The following DLG2 variants were observed in gnomAD, a reference collection of about 807,000 sequenced individuals.
DLG2 encodes discs large MAGUK scaffold protein 2, also known as disks large homolog 2.
A neutral mutation model predicts 132.5 loss-of-function variants in DLG2; 45 were observed. That is an observed-to-expected ratio of 0.34 (90% confidence interval 0.27 to 0.44). DLG2 has a LOEUF of 0.44. Among genes scored for constraint, DLG2 ranks in the 20% least tolerant of loss-of-function variants. The pLI, the probability that DLG2 is intolerant of heterozygous loss-of-function variation, is 1.00. For synonymous variants in DLG2, 424 were observed against 419.6 expected (o/e 1.01, Z -0.13); for missense variants, 1,045 against 1,196.9 (o/e 0.87, Z 1.87).
chr11:83,898,357 T>G (rs1280896110), intron 15 of DLG2, among the ~76,000 whole-genome samples: 1 of 152,106 alleles, frequency 6.6e-6, no homozygotes, highest in Non-Finnish European at 1.5e-5. Flanking sequence ...ATGACTGATT[T>G]TCTCATGCTA....
At chr11:84,842,645 A>G (rs1184804204) in intron 6 of DLG2, among the ~76,000 whole-genome samples, 1 of 151,982 alleles carries the variant, frequency 6.6e-6, no homozygotes, top group East Asian at 1.9e-4. Context: ...TACCAGCTCA[A>G]GTGCCATTTC....
At chr11:84,473,144 T>A (rs953980494) in intron 7 of DLG2, among the ~76,000 whole-genome samples, 1 of 152,026 alleles carries the variant, frequency 6.6e-6, no homozygotes, top group African/African-American at 2.4e-5. Flanking sequence ...ACCAAAGCTT[T>A]AAATTTTCTT....
At chr11:84,859,317 G>A (rs2083243238) in intron 6 of DLG2, among the ~76,000 whole-genome samples, 1 of 139,038 alleles carries the variant, frequency 7.2e-6, no homozygotes, top group East Asian at 2.0e-4. Flanking sequence ...ACCTATATAT[G>A]TATATCTACA....
At chr11:83,706,230 AAC>A (rs1555345130) in intron 18 of DLG2, among the ~76,000 whole-genome samples, 4 of 151,714 alleles carry the variant, frequency 2.6e-5, no homozygotes, top group Non-Finnish European at 4.4e-5. Context: ...AAAAAAAAAA[AAC>A]ATTTTAAAAC....
At chr11:85,248,074 T>C (rs2076223698) in intron 4 of DLG2, among the ~76,000 whole-genome samples, 1 of 152,112 alleles carries the variant, frequency 6.6e-6, no homozygotes, top group Non-Finnish European at 1.5e-5. Context: ...GTAGACTGGT[T>C]GCATACTCAT....
At chr11:85,304,557 G>C (rs894946921) in intron 3 of DLG2, among the ~76,000 whole-genome samples, 1 of 152,098 alleles carries the variant, frequency 6.6e-6, no homozygotes, top group Non-Finnish European at 1.5e-5. Context: ...GAAACTTTTT[G>C]AGTGCCAATA....
intron 18 of DLG2, among the ~76,000 whole-genome samples, chr11:83,730,152 T>G (rs2090746966): frequency 6.7e-6 from 1 of 149,116 alleles, no homozygotes; most frequent in Admixed American, 6.7e-5. Context: ...TATGGTTTTT[T>G]TTTTTTTTTT....
intron 4 of DLG2, among the ~76,000 whole-genome samples, chr11:85,206,034 T>A (rs996794506): frequency 4.0e-5 from 6 of 151,834 alleles, no homozygotes; most frequent in African/African-American, 1.5e-4. Flanking sequence ...GGGTGGGAGG[T>A]GATTTGATCA....
At chr11:84,236,393 C>A (rs2097158921) in intron 8 of DLG2, among the ~76,000 whole-genome samples, 1 of 152,154 alleles carries the variant, frequency 6.6e-6, no homozygotes, top group Non-Finnish European at 1.5e-5. Flanking sequence ...TTACATTGAG[C>A]CTCAGGTTCT....
intron 6 of DLG2, among the ~76,000 whole-genome samples, chr11:84,581,737 T>C (rs1194421982): frequency 6.6e-6 from 1 of 151,900 alleles, no homozygotes; most frequent in Non-Finnish European, 1.5e-5. Context: ...TGAAAACCCA[T>C]CTGTACTAAA....
At chr11:84,076,203 G>A (rs1160381189) in intron 10 of DLG2, among the ~76,000 whole-genome samples, 2 of 152,066 alleles carry the variant, frequency 1.3e-5, no homozygotes, top group African/African-American at 4.8e-5. Context: ...AGTCTATGAG[G>A]GACACTTACA....
intron 2 of DLG2, among the ~76,000 whole-genome samples, chr11:85,621,184 T>C (rs2081669049): frequency 6.6e-6 from 1 of 151,008 alleles, no homozygotes; most frequent in African/African-American, 2.4e-5. Context: ...GTTTACTGAA[T>C]ATTTTAAGCT....
At chr11:83,524,601 T>G (rs1170318627) in intron 21 of DLG2, among the ~76,000 whole-genome samples, 1 of 152,184 alleles carries the variant, frequency 6.6e-6, no homozygotes, top group East Asian at 1.9e-4. Flanking sequence ...TGCTAAATTC[T>G]AATCTAACCT....
chr11:84,428,978 A>C (rs1054852039), intron 7 of DLG2, among the ~76,000 whole-genome samples: 2 of 152,170 alleles, frequency 1.3e-5, no homozygotes, highest in African/African-American at 4.8e-5. Flanking sequence ...AGTGGCATGG[A>C]GGGTGAGAAA....
chr11:84,609,477 G>C (rs1394352778), intron 6 of DLG2, among the ~76,000 whole-genome samples: 1 of 152,036 alleles, frequency 6.6e-6, no homozygotes, highest in Non-Finnish European at 1.5e-5. Context: ...ATAGTAGTTG[G>C]AAAAATATAA....
At chr11:83,624,860 A>G (rs79959590) in intron 19 of DLG2, among the ~76,000 whole-genome samples, 3,022 of 152,274 alleles carry the variant, frequency 0.02, 44 homozygotes, top group Non-Finnish European at 0.03. Flanking sequence ...TAGGAATTTA[A>G]CCAGTGCCTT....
chr11:85,293,228 G>C (rs1414719280), intron 3 of DLG2, among the ~76,000 whole-genome samples: 1 of 152,042 alleles, frequency 6.6e-6, no homozygotes, highest in East Asian at 1.9e-4. Context: ...ATAGGACAAA[G>C]AATGTGGCAT....
chr11:83,916,907 C>A (rs1290713298), intron 15 of DLG2, among the ~76,000 whole-genome samples: 5 of 152,108 alleles, frequency 3.3e-5, no homozygotes, highest in Non-Finnish European at 7.3e-5. Flanking sequence ...CCGTCACAGA[C>A]TACTGGTGTG....
At chr11:84,047,013 G>A (rs537103980) in intron 11 of DLG2, among the ~76,000 whole-genome samples, 5 of 151,662 alleles carry the variant, frequency 3.3e-5, no homozygotes, top group South Asian at 2.1e-4. Context: ...CATAGAAGGC[G>A]AAAAATTTAA....
Sources: gnomAD v4.1 joint callset for allele counts (sites outside exome capture counted in the v4.1 genomes callset) on GRCh38, gnomAD v4.1.1 for gene constraint, MANE v1.5 for transcripts, NCBI Gene and HGNC (gene_info 2026-07-23, HGNC 2026-07-21) for gene names.